PCDH15: variants seen among roughly 807,000 people sequenced by gnomAD.
PCDH15 encodes protocadherin related 15.
PCDH15 carries 129 observed loss-of-function variants against 178.5 expected under a neutral mutation model. The observed-to-expected ratio is 0.72, with a 90% confidence interval of 0.63 to 0.84. The LOEUF is 0.84. Among genes scored for constraint, PCDH15 ranks in the 40% least tolerant of loss-of-function variants. The pLI is 0.00. For synonymous variants in PCDH15, 800 were observed against 732.0 expected (o/e 1.09, Z -1.50); for missense variants, 2,230 against 2,099.9 (o/e 1.06, Z -1.21).
intron 2 of PCDH15, among the ~76,000 whole-genome samples, chr10:54,604,178 G>A (rs2092654567): frequency 6.6e-6 from 1 of 151,906 alleles, no homozygotes; most frequent in African/African-American, 2.4e-5. Context: ...TTAAAGTTGA[G>A]TTGTTTTGTT....
intron 2 of PCDH15, among the ~76,000 whole-genome samples, chr10:55,154,795 T>G (rs1487379695): frequency 6.6e-6 from 1 of 152,196 alleles, no homozygotes; most frequent in Non-Finnish European, 1.5e-5. Context: ...TACTGTCTGC[T>G]TTCTCCCTCT....
At chr10:54,666,721 T>A (rs928941169) in intron 1 of PCDH15, among the ~76,000 whole-genome samples, 31 of 152,026 alleles carry the variant, frequency 2.0e-4, no homozygotes, top group African/African-American at 7.5e-4. Context: ...AGAAAAGATA[T>A]GTATTAGAAA....
chr10:55,140,705 C>A (rs1402264929), intron 2 of PCDH15, among the ~76,000 whole-genome samples: 4 of 151,808 alleles, frequency 2.6e-5, no homozygotes, highest in Non-Finnish European at 4.4e-5. Flanking sequence ...CTTTTTTAAT[C>A]ATTGGGTAGA....
chr10:55,359,510 A>G (rs1256490868), intron 2 of PCDH15, among the ~76,000 whole-genome samples: 1 of 151,876 alleles, frequency 6.6e-6, no homozygotes, highest in African/African-American at 2.4e-5. Context: ...AGTATAGCCA[A>G]TATGACAGTA....
At chr10:54,847,920 C>T (rs900674506) in intron 3 of PCDH15, among the ~76,000 whole-genome samples, 1 of 152,120 alleles carries the variant, frequency 6.6e-6, no homozygotes, top group Non-Finnish European at 1.5e-5. Flanking sequence ...GTCTGATGGC[C>T]AAGCCCATAT....
intron 2 of PCDH15, among the ~76,000 whole-genome samples, chr10:55,428,742 T>C (rs1201562339): frequency 6.6e-6 from 1 of 151,988 alleles, no homozygotes; most frequent in African/African-American, 2.4e-5. Flanking sequence ...GGTTTAAGTC[T>C]GTATTGTTAT....
intron 1 of PCDH15, among the ~76,000 whole-genome samples, chr10:55,268,712 A>G (rs1262794805): frequency 6.6e-6 from 1 of 152,324 alleles, no homozygotes; most frequent in East Asian, 1.9e-4. Flanking sequence ...TGGAATTATA[A>G]GTCACTAAAA....
intron 3 of PCDH15, among the ~76,000 whole-genome samples, chr10:54,482,568 A>G (rs2078796732): frequency 6.6e-6 from 1 of 151,806 alleles, no homozygotes; most frequent in Admixed American, 6.6e-5. Context: ...TGCTACTTGC[A>G]CCTCAATTTC....
intron 2 of PCDH15, among the ~76,000 whole-genome samples, chr10:54,964,089 C>G (rs935127560): frequency 2.6e-5 from 4 of 152,166 alleles, no homozygotes; most frequent in Non-Finnish European, 1.5e-5. Context: ...TCTTGTGTCT[C>G]ATTGTTCAGA....
chr10:54,086,746 C>G (rs1165402469), intron 16 of PCDH15, among the ~76,000 whole-genome samples: 1 of 152,138 alleles, frequency 6.6e-6, no homozygotes, highest in Non-Finnish European at 1.5e-5. Flanking sequence ...GATCACACAA[C>G]CATTATAGGG....
chr10:54,091,894 ACTGT>A lies in PCDH15; in HGVS notation c.1918-1835_1918-1832del, dbSNP rs537884281. On this transcript the variant is annotated intron_variant, in intron 15 of 37. Coordinates refer to ENST00000644397, the MANE Select transcript of PCDH15 (RefSeq NM_001384140.1). ...CTCATTCAACAGTGTAGCTATAAAT[ACTGT>A]CTATCTGCTGAAGACGGTCATATCT... 1.8e-3 allele frequency among the ~76,000 whole-genome samples: 269 copies of A among 152,228 alleles called. 1 individual carries two copies. The highest frequency in any genetic ancestry group is 1.7e-3 in the Non-Finnish European group (116 of 68,012).
chr10:55,129,748 C>T (rs116496162), intron 2 of PCDH15, among the ~76,000 whole-genome samples: 1,904 of 152,076 alleles, frequency 0.013, 47 homozygotes, highest in African/African-American at 0.044. Context: ...AATACTTATT[C>T]GTTGATTTAC....
intron 10 of PCDH15, among the ~76,000 whole-genome samples, chr10:54,209,521 A>G (rs2051182156): frequency 6.6e-6 from 1 of 152,124 alleles, no homozygotes; most frequent in African/African-American, 2.4e-5. Context: ...GTCTAGCTTG[A>G]GTGGGTGACC....
intron 2 of PCDH15, among the ~76,000 whole-genome samples, chr10:55,412,879 T>TCACACACACACA (rs71014485): frequency 3.9e-4 from 53 of 134,820 alleles, no homozygotes; most frequent in African/African-American, 1.3e-3. Context: ...TCAACAATAA[T>TCACACACACACA]CACACACACA....
chr10:53,945,835 TTGTATATATATA>T (rs2086499457), intron 23 of PCDH15, among the ~76,000 whole-genome samples: 1 of 92,362 alleles, frequency 1.1e-5, no homozygotes, highest in Admixed American at 1.3e-4. Flanking sequence ...TAATATTTCA[TTGTATATATATA>T]TATATATATA....
chr10:54,293,409 A>G (rs2133067679), intron 8 of PCDH15, among the ~76,000 whole-genome samples: 1 of 152,326 alleles, frequency 6.6e-6, no homozygotes, highest in Non-Finnish European at 1.5e-5. Context: ...AGGCATAGGC[A>G]AACACTTCAT....
chr10:54,494,518 C>T (rs1008498826), intron 3 of PCDH15, among the ~76,000 whole-genome samples: 1 of 152,134 alleles, frequency 6.6e-6, no homozygotes, highest in African/African-American at 2.4e-5. Flanking sequence ...GACCCATCTT[C>T]AGCCTGAATC....
At chr10:54,046,718 A>G (rs1328982537) in intron 18 of PCDH15, among the ~76,000 whole-genome samples, 5 of 152,306 alleles carry the variant, frequency 3.3e-5, no homozygotes, top group East Asian at 1.9e-4. Context: ...GATGCATTCT[A>G]TACCTGATTT....
At chr10:54,919,223 C>G (rs141590620) in intron 2 of PCDH15, among the ~76,000 whole-genome samples, 1 of 152,014 alleles carries the variant, frequency 6.6e-6, no homozygotes, top group African/African-American at 2.4e-5. Flanking sequence ...ATGTATAAAT[C>G]AGACATGTGA....
Sources: allele counts gnomAD v4.1 joint callset (sites outside exome capture counted in the v4.1 genomes callset), GRCh38; gene constraint gnomAD v4.1.1; transcripts MANE v1.5; gene names NCBI Gene and HGNC (gene_info 2026-07-23, HGNC 2026-07-21).